Variants in HK1 observed in about 807,000 individuals in gnomAD.
HK1 encodes hexokinase-1.
In HK1, 28 loss-of-function variants were observed where a neutral mutation model predicts 91.6. The ratio of observed to expected loss-of-function variants is 0.31; its 90% confidence interval spans 0.23 to 0.42. The LOEUF (loss-of-function observed/expected upper bound fraction) is 0.42. Ranked by LOEUF, HK1 falls within the 10% of genes least tolerant of loss-of-function variation. The pLI is 1.00. For missense variants in HK1, 770 were observed against 1,219.8 expected (o/e 0.63, Z 5.49); for synonymous variants, 430 against 468.1 (o/e 0.92, Z 1.05).
chr10:69,323,840 A>G (rs542427040), intron 1 of HK1, among the ~76,000 whole-genome samples: 101 of 152,200 alleles, frequency 6.6e-4, no homozygotes, highest in African/African-American at 2.3e-3. Flanking sequence ...CTTTCCCCTT[A>G]CAAGACTGAT....
chr10:69,363,884 G>A (rs1262232334), intron 3 of HK1, among the ~76,000 whole-genome samples: 2 of 152,216 alleles, frequency 1.3e-5, no homozygotes, highest in African/African-American at 4.8e-5. Flanking sequence ...AAGCTACAGT[G>A]CGGTAGATAA....
chr10:69,357,999 A>G (rs141254217), intron 2 of HK1, among the ~76,000 whole-genome samples: 6 of 152,316 alleles, frequency 3.9e-5, no homozygotes, highest in Non-Finnish European at 2.9e-5. Flanking sequence ...ATGGTATGTG[A>G]ATTAAATTTC....
At chr10:69,320,299 C>T (rs1846932122) in intron 1 of HK1, among the ~76,000 whole-genome samples, 1 of 152,146 alleles carries the variant, frequency 6.6e-6, no homozygotes, top group African/African-American at 2.4e-5. Flanking sequence ...GACAAAGCCG[C>T]TGGGGACCCT....
intron 5 of HK1, among the ~76,000 whole-genome samples, chr10:69,306,353 G>A (rs1432206712): frequency 4.0e-5 from 6 of 150,054 alleles, no homozygotes; most frequent in Non-Finnish European, 5.9e-5. Context: ...GTGAGACTCT[G>A]TCTCAAAAAA....
chr10:69,397,475 A>G (rs1840195096), intron 16 of HK1, among the ~76,000 whole-genome samples: 1 of 152,206 alleles, frequency 6.6e-6, no homozygotes, highest in Non-Finnish European at 1.5e-5. Flanking sequence ...TTAAAAGGCA[A>G]CGGTAAACTG....
chr10:69,329,034 C>T (rs1386689127), intron 1 of HK1, among the ~76,000 whole-genome samples: 1 of 152,144 alleles, frequency 6.6e-6, no homozygotes, highest in Non-Finnish European at 1.5e-5. Flanking sequence ...TTATCTACTA[C>T]ATTTTGTTTT....
At chr10:69,366,024 T>G (rs2132797059) in intron 4 of HK1, among the ~76,000 whole-genome samples, 1 of 152,102 alleles carries the variant, frequency 6.6e-6, no homozygotes, top group Admixed American at 6.5e-5. Context: ...AGATATGGGG[T>G]TTCACCATCT....
upstream of HK1, among the ~76,000 whole-genome samples, chr10:69,313,029 C>A (rs144516700): frequency 6.6e-6 from 1 of 152,274 alleles, no homozygotes; most frequent in South Asian, 2.1e-4. Context: ...AAGGAGGAGG[C>A]TGGCAGGGGC....
At chr10:69,319,475 C>G (rs1846880642) in intron 1 of HK1, among the ~76,000 whole-genome samples, 1 of 152,220 alleles carries the variant, frequency 6.6e-6, no homozygotes, top group African/African-American at 2.4e-5. Context: ...TGTCGGGTGC[C>G]CCGGAGAAGC....
chr10:69,389,461 GTC>G, intron 14 of HK1, 165 bp downstream of exon 14: 3 of 531,416 alleles, frequency 5.6e-6, no homozygotes, highest in Non-Finnish European at 1.1e-5. Flanking sequence ...AGGCAGCAGA[GTC>G]TCTGGCGGGG....
intron 3 of HK1, among the ~76,000 whole-genome samples, chr10:69,293,163 T>A (rs1199182641): frequency 6.6e-6 from 1 of 152,212 alleles, no homozygotes; most frequent in Non-Finnish European, 1.5e-5. Context: ...ATCTTCTGTA[T>A]GTGGGGACGT....
At chr10:69,356,979 T>C (rs1195091889) in intron 2 of HK1, among the ~76,000 whole-genome samples, 1 of 148,184 alleles carries the variant, frequency 6.7e-6, no homozygotes, top group Non-Finnish European at 1.5e-5. Context: ...AATAAGCACA[T>C]AGAAATGTAC....
rs1035210429 is a variant in HK1 at position 69,389,475 on chromosome 10, G to A, written c.2035+179G>A. The A allele has an allele frequency of 5.1e-6, 3 of 590,578 alleles. 1 individual carries two copies. Among genetic ancestry groups the A allele is most frequent in the Middle Eastern group, 5.4e-4 (2 of 3,694 alleles). 36.6% of individuals were successfully genotyped at this position (590,578 alleles called of 1,614,324 possible). A position where few individuals can be genotyped will look rare whatever the true frequency, so the allele number is the denominator to read the frequency against. On this transcript the variant is annotated intron_variant, in intron 14 of 17. Transcript: ENST00000359426. The stretch of plus-strand genomic sequence containing the variant: ...AAGGCAGCAGAGTCTCTGGCGGGGG[G>A]AGGTGGGGGGGCCTTTCTTAAGACA...
At chr10:69,332,792 A>G (rs1847802954) in intron 1 of HK1, among the ~76,000 whole-genome samples, 1 of 152,104 alleles carries the variant, frequency 6.6e-6, no homozygotes. Context: ...CAACTGTACA[A>G]ATGCCAGGTG....
chr10:69,380,146 G>T lies in HK1; in HGVS notation c.1265+51G>T. 1 of 1,447,224 alleles carries T rather than the reference G, an allele frequency of 6.9e-7. No individual in the cohort carries two copies. The highest frequency in any genetic ancestry group is 9.7e-7 in the Non-Finnish European group (1 of 1,028,680). 89.6% of individuals were successfully genotyped at this position (1,447,224 alleles called of 1,614,324 possible). On this transcript the variant is annotated intron_variant, in intron 9 of 17. Transcript: ENST00000359426. This position sits in a 1 kb window ranked among gnomAD's most constrained non-coding sequence, Gnocchi z 4.0. ...GCACTCTGTACCCATTGTGGGTAGG[G>T]ACCTTCTCCAGAGATCAGACTTTTG...
upstream of HK1, among the ~76,000 whole-genome samples, chr10:69,313,414 G>T (rs376002677): frequency 5.2e-4 from 79 of 152,296 alleles, 1 homozygote; most frequent in South Asian, 0.016. Flanking sequence ...GTCCTGTGTG[G>T]TGTCACCTTT....
chr10:69,278,345 T>C (rs1844566655), intron 1 of HK1: 1 of 152,222 alleles, frequency 6.6e-6, no homozygotes, highest in Non-Finnish European at 1.5e-5. Flanking sequence ...TTTTGAGGGC[T>C]CTGTAGTTCT....
At chr10:69,319,998 C>T (rs1846913197) in intron 1 of HK1, among the ~76,000 whole-genome samples, 1 of 152,162 alleles carries the variant, frequency 6.6e-6, no homozygotes, top group Non-Finnish European at 1.5e-5. Context: ...GTCATCTTGA[C>T]TTTGGCGTTC....
chr10:69,392,433 C>T (rs1484416546), intron 15 of HK1, 125 bp downstream of exon 15: 5 of 977,158 alleles, frequency 5.1e-6, no homozygotes, highest in African/African-American at 4.8e-5. Context: ...CAAGACTGGA[C>T]CCCCTGGCTC....
Sources: gnomAD v4.1 joint callset for allele counts (sites outside exome capture counted in the v4.1 genomes callset) on GRCh38, gnomAD v4.1.1 for gene constraint, Gnocchi (gnomAD v3.1) non-coding constraint, MANE v1.5 for transcripts, NCBI Gene and HGNC (gene_info 2026-07-23, HGNC 2026-07-21) for gene names.